The following MACF1 variants were observed in gnomAD, a reference collection of about 807,000 sequenced individuals.
MACF1 encodes microtubule actin crosslinking factor 1.
MACF1 carries 193 observed loss-of-function variants against 854.8 expected under a neutral mutation model. That is an observed-to-expected ratio of 0.23 (90% CI 0.20 to 0.25). The LOEUF (loss-of-function observed/expected upper bound fraction) is 0.25, where lower values mean the gene tolerates loss of function less well. MACF1 is among the 10% of genes least tolerant of loss of function. The pLI is 1.00. For synonymous variants in MACF1, 3,185 were observed against 3,226.7 expected (o/e 0.99, Z 0.44); for missense variants, 7,722 against 8,929.1 (o/e 0.86, Z 5.45).
chr1:39,358,628 T>C, intron 45 of MACF1, 69 bp from the exon 46 acceptor site: 1 of 1,487,914 alleles, frequency 6.7e-7, no homozygotes, highest in Non-Finnish European at 9.2e-7. Flanking sequence ...CCAGGCCTCT[T>C]TCTTTGGGCA....
At chr1:39,098,529 C>A (rs1641989550) in intron 2 of MACF1, among the ~76,000 whole-genome samples, 2 of 152,220 alleles carry the variant, frequency 1.3e-5, no homozygotes, top group Non-Finnish European at 2.9e-5. Context: ...CCTTGGGAAG[C>A]CGGTGCGGTG....
rs1643782917 is a variant in MACF1 at position 39,428,132 on chromosome 1, GC to G, written c.16651del (p.Leu5551TyrfsTer35). 1 of 1,614,094 alleles carries G rather than the reference GC, an allele frequency of 6.2e-7. No homozygotes were observed. The highest frequency in any genetic ancestry group is 1.3e-5 in the African/African-American group (1 of 74,926). On this transcript the variant is annotated frameshift_variant, in exon 63 of 101. Coordinates refer to ENST00000564288, the MANE Select transcript of MACF1 (RefSeq NM_001394062.1). LOFTEE classifies it high-confidence loss of function. ...EIQDRCCRKA[A>X]LLDQALSNAR... Reference sequence around the variant, plus strand: ...TCAAGACCGCTGTTGTCGGAAGGCAGCCCTACTTGACCAAGCTCTGTCTAAT... The same window carrying G: ...TCAAGACCGCTGTTGTCGGAAGGCAGCCTACTTGACCAAGCTCTGTCTAAT...
At position 39,378,521 on chromosome 1, in the gene MACF1, A is replaced by G. The variant is rs753805451; in HGVS notation, c.13274A>G (p.Lys4425Arg). ...AGTGTAAACGGATACCACACCTGCA[A>G]AGGTGAGAATGCCATTTCAACAGTG... ...VGSVNGYHTC[K>R]DLTEIQCDMS... Residue 4425 changes from lysine to arginine, a missense_variant and splice_region_variant, in exon 53 of 101, where the codon AAA (lysine) becomes AGA (arginine). Lys to Arg is a conservative substitution (Grantham distance 26). Coordinates refer to ENST00000564288, the MANE Select transcript of MACF1 (RefSeq NM_001394062.1). 1.2e-6 allele frequency: 2 copies of G among 1,613,498 alleles called. No homozygotes were observed. The highest frequency in any genetic ancestry group is 1.1e-5 in the South Asian group (1 of 91,044).
chr1:39,453,975 T>A (rs1381774476), intron 88 of MACF1, 125 bp downstream of exon 88: 22 of 1,191,504 alleles, frequency 1.8e-5, no homozygotes, highest in Non-Finnish European at 2.5e-5. Flanking sequence ...AAAATTAAGT[T>A]AACATTTTAG....
At chr1:39,278,975 A>G (rs1645492128) in intron 6 of MACF1, among the ~76,000 whole-genome samples, 1 of 152,234 alleles carries the variant, frequency 6.6e-6, no homozygotes, top group South Asian at 2.1e-4. Context: ...TTTAACTGCC[A>G]AGTGATTCAA....
intron 2 of MACF1, among the ~76,000 whole-genome samples, chr1:39,194,351 C>T (rs12740745): frequency 0.01 from 366 of 35,246 alleles, 4 homozygotes; most frequent in East Asian, 0.028. Context: ...CTTTTCTTTT[C>T]TTTTTTTTTT....
intron 97 of MACF1, among the ~76,000 whole-genome samples, chr1:39,479,312 AG>A (rs1644971829): frequency 1.3e-5 from 2 of 152,080 alleles, no homozygotes; most frequent in South Asian, 4.1e-4. Context: ...TCCTTTCTTT[AG>A]GATTGTTACT....
chr1:39,208,243 G>A (rs1557518792), intron 1 of MACF1, among the ~76,000 whole-genome samples: 1 of 150,926 alleles, frequency 6.6e-6, no homozygotes, highest in Non-Finnish European at 1.5e-5. Flanking sequence ...TAAGCATCCA[G>A]GACTCCAGCA....
intron 40 of MACF1, among the ~76,000 whole-genome samples, chr1:39,344,335 G>A (rs1646999045): frequency 6.6e-6 from 1 of 151,816 alleles, no homozygotes; most frequent in African/African-American, 2.4e-5. Flanking sequence ...GGGAGGCTGA[G>A]GCAGGAGAAT....
intron 41 of MACF1, 27 bp from the exon 42 acceptor site, chr1:39,349,451 C>G (rs768074334): frequency 3.7e-5 from 59 of 1,594,908 alleles, no homozygotes; most frequent in Non-Finnish European, 5.0e-5. Flanking sequence ...TACGAAATGT[C>G]TCTTGACCCC....
At chr1:39,202,437 C>T (rs1417674102), upstream of MACF1, among the ~76,000 whole-genome samples, 2 of 151,436 alleles carry the variant, frequency 1.3e-5, no homozygotes, top group Non-Finnish European at 2.9e-5. Context: ...GAGTTCGAGA[C>T]CAGCCTGGCC....
At chr1:39,269,010 A>G (rs947009870) in intron 6 of MACF1, 15 of 1,288,244 alleles carry the variant, frequency 1.2e-5, no homozygotes, top group Non-Finnish European at 1.5e-5. Flanking sequence ...TCGGGGGATG[A>G]TAGTACAGGT....
At chr1:39,253,180 A>C (rs1321181199) in intron 4 of MACF1, among the ~76,000 whole-genome samples, 3 of 152,204 alleles carry the variant, frequency 2.0e-5, no homozygotes, top group Non-Finnish European at 4.4e-5. Context: ...GACTGCATTC[A>C]CTTTCCAACT....
chr1:39,321,329 A>G (rs2148452929), intron 31 of MACF1, among the ~76,000 whole-genome samples: 2 of 152,380 alleles, frequency 1.3e-5, no homozygotes, highest in East Asian at 3.8e-4. Context: ...GATAATGTAT[A>G]CATAGGACCA....
intron 6 of MACF1, 138 bp from the exon 7 acceptor site, chr1:39,282,070 T>C (rs920801006): frequency 3.1e-6 from 2 of 649,608 alleles, no homozygotes; most frequent in African/African-American, 3.7e-5. Context: ...AGAGGGGGAA[T>C]ATATGTTGGA....
chr1:39,370,075 G>A lies in MACF1; in HGVS notation c.12984G>A (p.Arg4328=). 6.2e-7 allele frequency: 1 copy of A among 1,614,026 alleles called. No individual in the cohort carries two copies. Among genetic ancestry groups the A allele is most frequent in the South Asian group, 1.1e-5 (1 of 91,042 alleles). ...SSCQEQLDEF[R]KLVRTFQKWL... is the part of the protein sequence containing the mutation. ...GCCAGGAACAGTTGGATGAATTCCG[G>A]AAGCTGGTCAGGACCTTCCAGAAAT... The change falls in exon 51 of 101, where the codon CGG becomes CGA. Residue 4328 remains arginine, a synonymous_variant. Transcript: ENST00000564288.
chr1:39,360,730 A>G, intron 47 of MACF1, 63 bp from the exon 48 acceptor site: 1 of 630,630 alleles, frequency 1.6e-6, no homozygotes, highest in Non-Finnish European at 2.5e-6. Flanking sequence ...TTAATAATAA[A>G]GTCTTTAAAA....
chr1:39,436,475 A>G (rs992255666), intron 70 of MACF1: 6 of 1,613,902 alleles, frequency 3.7e-6, no homozygotes, highest in Non-Finnish European at 5.1e-6. Flanking sequence ...CGCGCCCACC[A>G]TTACAGATTA....
intron 1 of MACF1, among the ~76,000 whole-genome samples, chr1:39,213,128 A>C (rs1644536211): frequency 6.6e-6 from 1 of 152,236 alleles, no homozygotes; most frequent in South Asian, 2.1e-4. Context: ...TAGAATTTTT[A>C]TCTCTAAAAT....
Sources: gnomAD v4.1 joint callset for allele counts (sites outside exome capture counted in the v4.1 genomes callset) on GRCh38, gnomAD v4.1.1 for gene constraint, MANE v1.5 for transcripts, NCBI Gene and HGNC (gene_info 2026-07-23, HGNC 2026-07-21) for gene names.